The following LRRTM3 variants were observed in gnomAD, a reference collection of about 807,000 sequenced individuals.
The protein encoded by LRRTM3 is leucine-rich repeat transmembrane neuronal protein 3.
In LRRTM3, 24 loss-of-function variants were observed where a neutral mutation model predicts 44.7. The observed-to-expected ratio is 0.54, with a 90% CI of 0.39 to 0.76. The LOEUF is 0.76. LRRTM3 is among the 30% of genes least tolerant of loss of function. The pLI is 0.00. For missense variants in LRRTM3, 587 were observed against 702.2 expected (o/e 0.84, Z 1.85); for synonymous variants, 277 against 278.7 (o/e 0.99, Z 0.06).
At chr10:66,982,011 T>C (rs1211714247) in intron 2 of LRRTM3, among the ~76,000 whole-genome samples, 1 of 152,160 alleles carries the variant, frequency 6.6e-6, no homozygotes, top group African/African-American at 2.4e-5. Flanking sequence ...CTTTTGACAA[T>C]ATGAGAACAC....
At chr10:66,973,920 C>T (rs890300073) in intron 2 of LRRTM3, among the ~76,000 whole-genome samples, 1 of 152,168 alleles carries the variant, frequency 6.6e-6, no homozygotes, top group Admixed American at 6.5e-5. Flanking sequence ...CCGCGTCCAG[C>T]CTTATTTATT....
chr10:66,951,996 T>C (rs1848561682), intron 2 of LRRTM3, among the ~76,000 whole-genome samples: 1 of 152,196 alleles, frequency 6.6e-6, no homozygotes, highest in Non-Finnish European at 1.5e-5. Context: ...GCTAGTGACC[T>C]TGACAAATTG....
intron 2 of LRRTM3, among the ~76,000 whole-genome samples, chr10:66,969,567 T>C (rs927065273): frequency 1.3e-5 from 2 of 152,182 alleles, no homozygotes; most frequent in African/African-American, 4.8e-5. Context: ...TTAGCATTTT[T>C]GATCCATAAC....
At chr10:67,030,716 A>G (rs1393373594) in intron 2 of LRRTM3, among the ~76,000 whole-genome samples, 1 of 152,094 alleles carries the variant, frequency 6.6e-6, no homozygotes. Flanking sequence ...GAATATCAGA[A>G]AAGTACCGGT....
intron 2 of LRRTM3, among the ~76,000 whole-genome samples, chr10:67,000,635 G>T (rs1851624322): frequency 6.6e-6 from 1 of 151,740 alleles, no homozygotes; most frequent in Admixed American, 6.6e-5. Flanking sequence ...CAGATCTGCT[G>T]CCTCCTATTA....
chr10:67,010,919 A>T (rs978593319), intron 2 of LRRTM3, among the ~76,000 whole-genome samples: 48 of 152,336 alleles, frequency 3.2e-4, no homozygotes, highest in African/African-American at 1.1e-3. Flanking sequence ...AATTGAATTG[A>T]CATTTTCAAA....
chr10:66,991,825 C>T (rs140171629), intron 2 of LRRTM3, among the ~76,000 whole-genome samples: 146 of 152,212 alleles, frequency 9.6e-4, no homozygotes, highest in African/African-American at 3.2e-3. Flanking sequence ...TGTATATATG[C>T]CAGAATAATA....
chr10:67,089,744 T>TGTGC (rs1554917557), intron 2 of LRRTM3, among the ~76,000 whole-genome samples: 13 of 151,368 alleles, frequency 8.6e-5, no homozygotes, highest in African/African-American at 3.2e-4. Flanking sequence ...TGTGTGTGTG[T>TGTGC]GTGTGTGTGG....
intron 2 of LRRTM3, among the ~76,000 whole-genome samples, chr10:67,026,008 A>T (rs941115917): frequency 4.6e-5 from 7 of 151,224 alleles, no homozygotes; most frequent in Non-Finnish European, 1.0e-4. Flanking sequence ...TATCGCAAGG[A>T]CAAAAAACCA....
At chr10:67,024,751 C>T (rs1057209866) in intron 2 of LRRTM3, among the ~76,000 whole-genome samples, 1 of 152,150 alleles carries the variant, frequency 6.6e-6, no homozygotes, top group African/African-American at 2.4e-5. Flanking sequence ...GCCTACTAAA[C>T]ATTCTTTGGC....
intron 2 of LRRTM3, among the ~76,000 whole-genome samples, chr10:67,073,351 T>C (rs1326903064): frequency 6.6e-6 from 1 of 152,210 alleles, no homozygotes; most frequent in African/African-American, 2.4e-5. Context: ...AACAGTATTT[T>C]ACCTTCAACC....
At chr10:66,942,295 G>A (rs1848038072) in intron 2 of LRRTM3, among the ~76,000 whole-genome samples, 4 of 152,072 alleles carry the variant, frequency 2.6e-5, no homozygotes, top group Admixed American at 1.3e-4. Context: ...TGTCCTTGAC[G>A]CTTACCAATC....
intron 2 of LRRTM3, among the ~76,000 whole-genome samples, chr10:67,052,005 T>A (rs1157050502): frequency 6.6e-6 from 1 of 151,996 alleles, no homozygotes; most frequent in Admixed American, 6.5e-5. Flanking sequence ...CCCGCCCACC[T>A]CAGCCTCCCA....
chr10:66,996,673 C>CAAAAAAAAA (rs1851371155), intron 2 of LRRTM3, among the ~76,000 whole-genome samples: 2 of 69,086 alleles, frequency 2.9e-5, no homozygotes, highest in South Asian at 4.4e-4. Context: ...AAAAAAAAAG[C>CAAAAAAAAA]ATGTTTGTGT....
chr10:67,058,280 A>G (rs1045605404), intron 2 of LRRTM3, among the ~76,000 whole-genome samples: 1 of 152,220 alleles, frequency 6.6e-6, no homozygotes, highest in Non-Finnish European at 1.5e-5. Context: ...ATTTGGTCTT[A>G]GTCTATCACA....
chr10:66,972,391 A>G (rs532073629), intron 2 of LRRTM3, among the ~76,000 whole-genome samples: 2 of 152,282 alleles, frequency 1.3e-5, no homozygotes, highest in African/African-American at 2.4e-5. Flanking sequence ...ACTGGGCTCA[A>G]GCAGTCCTCC....
intron 2 of LRRTM3, among the ~76,000 whole-genome samples, chr10:66,952,261 A>T (rs1589479933): frequency 6.6e-6 from 1 of 152,170 alleles, no homozygotes; most frequent in African/African-American, 2.4e-5. Flanking sequence ...TGCAGGGGAC[A>T]GAGCTTCCCA....
At chr10:66,970,519 T>C (rs1849664537) in intron 2 of LRRTM3, among the ~76,000 whole-genome samples, 1 of 149,872 alleles carries the variant, frequency 6.7e-6, no homozygotes, top group South Asian at 2.1e-4. Flanking sequence ...GGGATACAAT[T>C]CTTCTATTAG....
chr10:67,022,931 G>A (rs1210454217), intron 2 of LRRTM3, among the ~76,000 whole-genome samples: 2 of 151,988 alleles, frequency 1.3e-5, no homozygotes, highest in Admixed American at 6.6e-5. Flanking sequence ...GAGTAAGACT[G>A]TGTCTCAAAA....
Sources: gnomAD v4.1 joint callset for allele counts (sites outside exome capture counted in the v4.1 genomes callset) on GRCh38, gnomAD v4.1.1 for gene constraint, MANE v1.5 for transcripts, NCBI Gene and HGNC (gene_info 2026-07-23, HGNC 2026-07-21) for gene names.